The following CTTN variants were observed in gnomAD, a reference collection of about 807,000 sequenced individuals.
The protein encoded by CTTN is src substrate cortactin.
In CTTN, 28 loss-of-function variants were observed where a neutral mutation model predicts 84.0. The ratio of observed to expected loss-of-function variants is 0.33; its 90% confidence interval spans 0.25 to 0.46. The LOEUF (loss-of-function observed/expected upper bound fraction) is 0.46, where lower values mean the gene tolerates loss of function less well. Ranked by LOEUF, CTTN falls within the 20% of genes least tolerant of loss-of-function variation. The pLI is 1.00. For missense variants in CTTN, 641 were observed against 723.8 expected (o/e 0.89, Z 1.31); for synonymous variants, 301 against 288.8 (o/e 1.04, Z -0.43).
Position 70,407,532 on chromosome 11 carries a change from G to C in CTTN, c.102G>C (p.Glu34Asp). ...TTTCTTTTCAGAATGATGTGAGTGA[G>C]AAGGAGCAAAGATGGGGTGCCAAGA... is the stretch of plus-strand genomic sequence containing the variant. ...TDPDFVNDVS[E>D]KEQRWGAKTV... The change falls in exon 4 of 18, where the codon GAG becomes GAC. Residue 34 changes from glutamate to aspartate, a missense_variant. Transcript: ENST00000301843. The C allele has an allele frequency of 6.2e-7, 1 of 1,614,062 alleles. No homozygotes were observed. Among genetic ancestry groups the C allele is most frequent in the Non-Finnish European group, 8.5e-7 (1 of 1,180,012 alleles).
At chr11:70,433,976 T>A (rs1483966770) in intron 17 of CTTN, among the ~76,000 whole-genome samples, 1 of 152,020 alleles carries the variant, frequency 6.6e-6, no homozygotes, top group Non-Finnish European at 1.5e-5. Context: ...GCTGCAGGGG[T>A]GCTGCCACCC....
At chr11:70,415,818 G>C in intron 7 of CTTN, 101 bp downstream of exon 7, 1 of 1,189,420 alleles carries the variant, frequency 8.4e-7, no homozygotes, top group Non-Finnish European at 1.3e-6. Flanking sequence ...GGCCCTGATG[G>C]GGAGAGTCAC....
Position 70,407,412 on chromosome 11 carries a change from C to T in CTTN, c.87+28C>T, listed in dbSNP as rs1034701604. 1.9e-6 allele frequency: 3 copies of T among 1,612,914 alleles called. No individual in the cohort carries two copies. In the African/African-American group the frequency reaches 4.0e-5, roughly 22 times the overall value. On this transcript the variant is annotated intron_variant, in intron 3 of 17. Coordinates refer to ENST00000301843, the MANE Select transcript of CTTN (RefSeq NM_005231.4). ...AGGAGCCGCCAGCCTTTGCTTTCCT[C>T]TTTCATGAAGTGGAAGTGGCTCTCC...
At chr11:70,414,803 TGAGAGCCTGGGCTCTCAGA>T in intron 6 of CTTN, 151 bp downstream of exon 6, 1 of 615,120 alleles carries the variant, frequency 1.6e-6, no homozygotes, top group South Asian at 1.9e-5. Flanking sequence ...CAGGATGCTC[TGAGAGCCTGGGCTCTCAGA>T]GAGAGGAAGC....
Position 70,417,044 on chromosome 11 carries a change from C to A in CTTN, c.489C>A (p.Gly163=). 6.2e-7 allele frequency: 1 copy of A among 1,614,168 alleles called. No homozygotes were observed. Among genetic ancestry groups the A allele is most frequent in the Non-Finnish European group, 8.5e-7 (1 of 1,180,022 alleles). The change falls in exon 8 of 18, where the codon GGC becomes GGA. Residue 163 remains glycine (G), a synonymous_variant. Coordinates refer to ENST00000301843, the MANE Select transcript of CTTN (RefSeq NM_005231.4). ...CCAGTGGTTTTGGCGGCAAGTATGG[C>A]GTGCAGGCCGACCGAGTAGACAAGA... ...DYSSGFGGKY[G]VQADRVDKSA...
In CTTN at chr11:70,436,324, C is replaced by T; in HGVS notation, c.*1162C>T. ...TGAGGAGCCGGGAGGCTGGACCAGT[C>T]CCGTCGTGCAGTCAGGTGGGCGGTG... On this transcript the variant is annotated 3_prime_UTR_variant, in exon 18 of 18. Transcript: ENST00000301843. 2 of 1,598,260 alleles carry T rather than the reference C, an allele frequency of 1.3e-6. No homozygotes were observed. Among genetic ancestry groups the T allele is most frequent in the South Asian group, 1.1e-5 (1 of 91,066 alleles).
chr11:70,421,242 G>GT (rs34966697), intron 10 of CTTN, among the ~76,000 whole-genome samples: 29,789 of 152,216 alleles, frequency 0.2, 3,397 homozygotes, highest in Admixed American at 0.25. Flanking sequence ...TTCTTAGGCT[G>GT]TTCCAGATCT....
At chr11:70,432,185 G>C (rs1009453071) in intron 15 of CTTN, among the ~76,000 whole-genome samples, 3 of 152,200 alleles carry the variant, frequency 2.0e-5, no homozygotes, top group Non-Finnish European at 4.4e-5. Context: ...GCCCTGGGGG[G>C]ATGTGGTAAG....
In CTTN at chr11:70,421,458, G is replaced by C; in HGVS notation, c.791-12G>C. On this transcript the variant is annotated splice_polypyrimidine_tract_variant and intron_variant, in intron 10 of 17. Coordinates refer to ENST00000301843, the MANE Select transcript of CTTN (RefSeq NM_005231.4). ...TTGGTTGTTTTCCCCACCGTTGCTT[G>C]TGGATTTTCAGATTATAAGACTGGT... 6.3e-7 allele frequency: 1 copy of C among 1,589,792 alleles called. No homozygotes were observed.
At chr11:70,404,153 G>A (rs1555138942) in intron 1 of CTTN, among the ~76,000 whole-genome samples, 1 of 152,252 alleles carries the variant, frequency 6.6e-6, no homozygotes, top group Non-Finnish European at 1.5e-5. Flanking sequence ...AGGGAACTGG[G>A]GAGAGAGATG....
intron 5 of CTTN, among the ~76,000 whole-genome samples, chr11:70,411,946 T>C (rs778659630): frequency 1.3e-5 from 2 of 152,086 alleles, no homozygotes; most frequent in Non-Finnish European, 2.9e-5. Flanking sequence ...GCCCCCCCCT[T>C]AGGCCAGTGC....
At chr11:70,405,437 G>A (rs1021216454) in intron 2 of CTTN, 76 bp downstream of exon 2, 3 of 152,190 alleles carry the variant, frequency 2.0e-5, no homozygotes, top group Non-Finnish European at 2.9e-5. Context: ...AACAGGAAAC[G>A]GGGGAGGTTG....
At chr11:70,419,657 TTTTG>T in intron 8 of CTTN, 85 bp from the exon 9 acceptor site, 1 of 1,052,970 alleles carries the variant, frequency 9.5e-7, no homozygotes, top group Non-Finnish European at 1.4e-6. Flanking sequence ...CCTGAAAGAT[TTTTG>T]TTTTTTTAAT....
At chr11:70,431,469 CAG>C (rs753424970) in intron 15 of CTTN, among the ~76,000 whole-genome samples, 189 bp downstream of exon 15, 13 of 152,062 alleles carry the variant, frequency 8.5e-5, no homozygotes, top group Non-Finnish European at 1.3e-4. Flanking sequence ...TCAGTGCTGT[CAG>C]GGGATAGCTG....
In CTTN at chr11:70,429,364, C is replaced by G. The variant is rs539624211; in HGVS notation, c.1176+165C>G. On this transcript the variant is annotated intron_variant, in intron 14 of 17. Transcript: ENST00000301843. ...TCTCCATTAAGGCACTTGTCACTTG[C>G]AGCCACACATAGGCTGAGTCTCTGG... Among the ~76,000 whole-genome samples the G allele has an allele frequency of 7.9e-5, 12 of 152,342 alleles. No homozygotes were observed. The South Asian group carries it at 2.1e-3, about 26-fold the overall frequency.
At chr11:70,421,838 A>C (rs1591443998) in intron 11 of CTTN, 2 of 449,656 alleles carry the variant, frequency 4.4e-6, no homozygotes, top group Non-Finnish European at 8.0e-6. Flanking sequence ...CATCTTTCTA[A>C]CCCGGTGACC....
At chr11:70,426,410 CAAAA>C (rs889788502) in intron 13 of CTTN, among the ~76,000 whole-genome samples, 2 of 72,662 alleles carry the variant, frequency 2.8e-5, no homozygotes, top group African/African-American at 4.8e-5. Flanking sequence ...GACTCCGTCT[CAAAA>C]AAAAAAAAAA....
At chr11:70,422,374 T>C (rs2058247339) in intron 11 of CTTN, 2 of 588,206 alleles carry the variant, frequency 3.4e-6, no homozygotes, top group Admixed American at 4.9e-5. Flanking sequence ...TCCCGCAGAC[T>C]GCATGGAGAT....
rs1591456106 is a variant in CTTN at position 70,435,992 on chromosome 11, A to T, written c.*830A>T. ...AAGGCTGATGTCTTAACTGTCACCC[A>T]TATGGTCCCTGGGCCACCGGGCAGC... On this transcript the variant is annotated 3_prime_UTR_variant, in exon 18 of 18. Coordinates refer to ENST00000301843, the MANE Select transcript of CTTN (RefSeq NM_005231.4). 2 of 1,429,446 alleles carry T rather than the reference A, an allele frequency of 1.4e-6. No individual in the cohort carries two copies. The highest frequency in any genetic ancestry group is 1.4e-5 in the African/African-American group (1 of 69,682). The allele number at this position is 1,429,446 out of a possible 1,614,324, so 88.5% of individuals were successfully genotyped here. A position where few individuals can be genotyped will look rare whatever the true frequency, so the allele number is the denominator to read the frequency against.
Sources: gnomAD v4.1 joint callset for allele counts (sites outside exome capture counted in the v4.1 genomes callset) on GRCh38, gnomAD v4.1.1 for gene constraint, MANE v1.5 for transcripts, NCBI Gene and HGNC (gene_info 2026-07-23, HGNC 2026-07-21) for gene names.